The following C1orf21 variants were observed in gnomAD, a reference collection of about 807,000 sequenced individuals.
C1orf21 encodes the protein chromosome 1 open reading frame 21.
In C1orf21, 3 loss-of-function variants were observed where a neutral mutation model predicts 18.7. The observed-to-expected ratio is 0.16, with a 90% CI of 0.07 to 0.42. The LOEUF is 0.42. Ranked by LOEUF, C1orf21 falls within the 10% of genes least tolerant of loss-of-function variation. C1orf21 has a pLI of 0.99. For missense variants in C1orf21, 104 were observed against 143.6 expected, an observed-to-expected ratio of 0.72 and a Z score of 1.41; for synonymous variants, 41 against 46.4, an observed-to-expected ratio of 0.88 and a Z score of 0.47.
chr1:184,594,906 GC>G (rs1250684703), intron 4 of C1orf21, among the ~76,000 whole-genome samples: 6 of 152,144 alleles, frequency 3.9e-5, no homozygotes, highest in African/African-American at 1.4e-4. Context: ...AAAAGCGAAA[GC>G]CCCATATCTT....
intron 2 of C1orf21, among the ~76,000 whole-genome samples, chr1:184,489,301 C>A (rs996385198): frequency 5.3e-5 from 8 of 152,020 alleles, no homozygotes; most frequent in African/African-American, 1.2e-4. Flanking sequence ...CCAGGCAATT[C>A]AAAAGAGAAA....
At chr1:184,450,578 A>AAC (rs1225926792) in intron 1 of C1orf21, among the ~76,000 whole-genome samples, 1 of 152,168 alleles carries the variant, frequency 6.6e-6, no homozygotes, top group Non-Finnish European at 1.5e-5. Context: ...AAGCGTACAC[A>AAC]ACACACACAC....
chr1:184,408,821 G>A (rs1411389509), intron 1 of C1orf21, among the ~76,000 whole-genome samples: 2 of 152,134 alleles, frequency 1.3e-5, no homozygotes, highest in Non-Finnish European at 2.9e-5. Flanking sequence ...GGCCGATCAG[G>A]TTTCACCGCC....
At chr1:184,471,226 A>G (rs1166882496) in intron 1 of C1orf21, among the ~76,000 whole-genome samples, 1 of 152,204 alleles carries the variant, frequency 6.6e-6, no homozygotes, top group Admixed American at 6.5e-5. Flanking sequence ...TTCATTCATT[A>G]AAGGCAAGAT....
chr1:184,486,807 C>G (rs1486391854), intron 2 of C1orf21, among the ~76,000 whole-genome samples: 1 of 152,234 alleles, frequency 6.6e-6, no homozygotes, highest in African/African-American at 2.4e-5. Flanking sequence ...TTGTCACTCC[C>G]TGCTGCCAGG....
At chr1:184,598,331 AT>A in intron 4 of C1orf21, 69 bp from the exon 5 acceptor site, 1 of 1,465,080 alleles carries the variant, frequency 6.8e-7, no homozygotes, top group Non-Finnish European at 9.3e-7. Context: ...GGGACTCTGC[AT>A]TTTTCCTTTG....
chr1:184,618,500 G>A (rs1659865594), intron 5 of C1orf21, among the ~76,000 whole-genome samples: 1 of 152,054 alleles, frequency 6.6e-6, no homozygotes, highest in Non-Finnish European at 1.5e-5. Context: ...TTAGGAAAAT[G>A]TAAAATATTT....
At chr1:184,429,676 A>G (rs1165014531) in intron 1 of C1orf21, among the ~76,000 whole-genome samples, 1 of 148,522 alleles carries the variant, frequency 6.7e-6, no homozygotes, top group African/African-American at 2.5e-5. Flanking sequence ...CATAACCACA[A>G]GACAGTGTTG....
At chr1:184,418,416 G>A (rs1183194656) in intron 1 of C1orf21, among the ~76,000 whole-genome samples, 1 of 152,138 alleles carries the variant, frequency 6.6e-6, no homozygotes, top group Non-Finnish European at 1.5e-5. Context: ...GTTTCACCAT[G>A]TTGCCCAGTC....
chr1:184,564,668 T>C (rs767305669), intron 3 of C1orf21, among the ~76,000 whole-genome samples: 5 of 152,094 alleles, frequency 3.3e-5, no homozygotes, highest in Non-Finnish European at 7.4e-5. Flanking sequence ...ATTCTGTAAA[T>C]TGGAAAGCTG....
intron 3 of C1orf21, among the ~76,000 whole-genome samples, chr1:184,565,697 C>T (rs776463038): frequency 2.0e-5 from 3 of 152,230 alleles, no homozygotes. Context: ...TCTGAATTCT[C>T]AAAGTCCACA....
At chr1:184,544,292 A>T (rs1339570) in intron 3 of C1orf21, among the ~76,000 whole-genome samples, 1 of 152,158 alleles carries the variant, frequency 6.6e-6, no homozygotes, top group African/African-American at 2.4e-5. Flanking sequence ...AAGTTGAGGC[A>T]GGGTGGCTCA....
At chr1:184,529,177 G>A (rs1483012069) in intron 3 of C1orf21, among the ~76,000 whole-genome samples, 1 of 152,034 alleles carries the variant, frequency 6.6e-6, no homozygotes, top group Non-Finnish European at 1.5e-5. Context: ...AAAATAGATT[G>A]CTGGCTAATT....
chr1:184,536,764 C>A (rs1164818489), intron 3 of C1orf21, among the ~76,000 whole-genome samples: 1 of 150,914 alleles, frequency 6.6e-6, no homozygotes, highest in Non-Finnish European at 1.5e-5. Flanking sequence ...TTGAAGGTGG[C>A]AGAGGAGGTA....
intron 3 of C1orf21, chr1:184,546,006 A>C (rs992797310): frequency 2.0e-5 from 3 of 152,184 alleles, no homozygotes; most frequent in Non-Finnish European, 4.4e-5. Flanking sequence ...TTTCCTTCTT[A>C]CTATCTGTCA....
chr1:184,598,156 A>G (rs1433938726), intron 4 of C1orf21, among the ~76,000 whole-genome samples: 1 of 152,124 alleles, frequency 6.6e-6, no homozygotes, highest in Non-Finnish European at 1.5e-5. Context: ...ATTACTATAA[A>G]TAGCATCTGT....
intron 2 of C1orf21, among the ~76,000 whole-genome samples, chr1:184,500,867 T>A (rs1657964957): frequency 6.6e-6 from 1 of 152,168 alleles, no homozygotes; most frequent in Admixed American, 6.5e-5. Context: ...AACAAGGCCC[T>A]GGGATATGTT....
At chr1:184,569,000 G>T (rs1001977353) in intron 3 of C1orf21, among the ~76,000 whole-genome samples, 12 of 152,200 alleles carry the variant, frequency 7.9e-5, no homozygotes, top group African/African-American at 2.7e-4. Context: ...TTAGGGGCTT[G>T]CATTTTATTA....
At chr1:184,545,246 T>C (rs1239729513) in intron 3 of C1orf21, among the ~76,000 whole-genome samples, 1 of 152,152 alleles carries the variant, frequency 6.6e-6, no homozygotes, top group Non-Finnish European at 1.5e-5. Flanking sequence ...TGCTAAAGAA[T>C]GATCCATCAT....
Sources: gnomAD v4.1 joint callset for allele counts (sites outside exome capture counted in the v4.1 genomes callset) on GRCh38, gnomAD v4.1.1 for gene constraint, MANE v1.5 for transcripts, NCBI Gene and HGNC (gene_info 2026-07-23, HGNC 2026-07-21) for gene names.